Variants in HIVEP3 observed in about 807,000 individuals in gnomAD.
HIVEP3 encodes the protein transcription factor HIVEP3.
HIVEP3 carries 49 observed loss-of-function variants against 152.8 expected under a neutral mutation model. The observed-to-expected ratio is 0.32, with a 90% CI of 0.26 to 0.41. The LOEUF is 0.41. Among genes scored for constraint, HIVEP3 ranks in the 10% least tolerant of loss-of-function variants. The probability of loss-of-function intolerance (pLI) is 1.00; values close to 1 mark genes in which losing one functional copy is unlikely to be tolerated. For synonymous variants in HIVEP3, 1,269 were observed against 1,289.0 expected, an observed-to-expected ratio of 0.98 and a Z score of 0.33; for missense variants, 2,790 against 3,103.3, an observed-to-expected ratio of 0.90 and a Z score of 2.40.
intron 5 of HIVEP3, among the ~76,000 whole-genome samples, chr1:41,553,754 T>C (rs1407692131): frequency 1.3e-5 from 2 of 152,170 alleles, no homozygotes; most frequent in Non-Finnish European, 2.9e-5. Flanking sequence ...CTCCTTCACT[T>C]ATGAAGTTTG....
intron 1 of HIVEP3, among the ~76,000 whole-genome samples, chr1:41,744,899 G>A (rs978235126): frequency 6.6e-6 from 1 of 152,220 alleles, no homozygotes; most frequent in Non-Finnish European, 1.5e-5. Context: ...GCAGGGGGCA[G>A]GGGGAAGGGT....
intron 3 of HIVEP3, among the ~76,000 whole-genome samples, chr1:41,605,004 TGGA>T: frequency 7.1e-6 from 1 of 141,784 alleles, no homozygotes. Context: ...ACTTGGGAGG[TGGA>T]GGTGGGAGGA....
At chr1:41,709,770 G>C (rs970290933) in intron 1 of HIVEP3, among the ~76,000 whole-genome samples, 8 of 152,152 alleles carry the variant, frequency 5.3e-5, no homozygotes, top group Admixed American at 1.3e-4. Flanking sequence ...TTTAGGCGAG[G>C]GTGCAGCTCA....
At chr1:42,006,284 G>C (rs1645458880) in intron 1 of HIVEP3, among the ~76,000 whole-genome samples, 1 of 152,056 alleles carries the variant, frequency 6.6e-6, no homozygotes, top group South Asian at 2.1e-4. Context: ...AAAGAGACAG[G>C]GACGAGAGGA....
At chr1:41,603,662 C>T (rs1215023032) in intron 3 of HIVEP3, among the ~76,000 whole-genome samples, 3 of 152,144 alleles carry the variant, frequency 2.0e-5, no homozygotes, top group Admixed American at 1.3e-4. Context: ...GCCTGGCCTG[C>T]TATTGATTTC....
intron 2 of HIVEP3, among the ~76,000 whole-genome samples, chr1:41,646,418 T>C (rs1458720990): frequency 6.6e-6 from 1 of 152,112 alleles, no homozygotes; most frequent in Non-Finnish European, 1.5e-5. Context: ...GCACACACAG[T>C]AGCAGAGGAA....
chr1:41,875,799 CCTT>C (rs1163745060), intron 1 of HIVEP3, among the ~76,000 whole-genome samples: 1 of 152,240 alleles, frequency 6.6e-6, no homozygotes, highest in Non-Finnish European at 1.5e-5. Flanking sequence ...ATGCCCTGCA[CCTT>C]CTTCTCTCCA....
chr1:41,661,739 G>A (rs1385284026), intron 2 of HIVEP3, among the ~76,000 whole-genome samples: 1 of 152,258 alleles, frequency 6.6e-6, no homozygotes, highest in Non-Finnish European at 1.5e-5. Context: ...CACGGTATGC[G>A]TGGGTGCGAG....
intron 5 of HIVEP3, among the ~76,000 whole-genome samples, chr1:41,572,869 TATGTTA>T (rs1644271167): frequency 6.6e-6 from 1 of 152,244 alleles, no homozygotes; most frequent in Admixed American, 6.5e-5. Context: ...GTTACAGATG[TATGTTA>T]AACCAATTTG....
chr1:41,864,013 G>A (rs900277395), intron 1 of HIVEP3, among the ~76,000 whole-genome samples: 23 of 152,192 alleles, frequency 1.5e-4, no homozygotes, highest in Non-Finnish European at 1.2e-4. Context: ...GGAATCAGAC[G>A]TGGAGAGAGG....
At chr1:41,714,652 G>T (rs753828581) in intron 1 of HIVEP3, among the ~76,000 whole-genome samples, 2 of 152,162 alleles carry the variant, frequency 1.3e-5, no homozygotes, top group Non-Finnish European at 2.9e-5. Flanking sequence ...TCACACTCTG[G>T]GGCTGACATG....
At chr1:41,744,908 G>C (rs561964019) in intron 1 of HIVEP3, among the ~76,000 whole-genome samples, 12 of 152,340 alleles carry the variant, frequency 7.9e-5, no homozygotes, top group African/African-American at 2.4e-4. Flanking sequence ...AGGGGGAAGG[G>C]TGGGAGAGGA....
intron 1 of HIVEP3, among the ~76,000 whole-genome samples, chr1:41,820,186 C>G (rs1233554550): frequency 6.6e-6 from 1 of 152,146 alleles, no homozygotes; most frequent in African/African-American, 2.4e-5. Flanking sequence ...ATGTTTAAAT[C>G]CCCCTTTATA....
At chr1:41,725,405 T>C (rs923468540) in intron 1 of HIVEP3, among the ~76,000 whole-genome samples, 8 of 152,172 alleles carry the variant, frequency 5.3e-5, no homozygotes, top group Non-Finnish European at 8.8e-5. Context: ...TCCTGAATTA[T>C]GTTAGAGCCC....
Position 41,511,358 on chromosome 1 carries a change from A to G in HIVEP3, c.6406-92T>C, listed in dbSNP as rs2149046277. Reference sequence around the variant, plus strand: ...TGGAAGTGGGAGGGGGACTCGCCCAAGATCACAGAGCGAGTCCAGGGTCCC... The same window carrying G: ...TGGAAGTGGGAGGGGGACTCGCCCAGGATCACAGAGCGAGTCCAGGGTCCC... On this transcript the variant is annotated intron_variant, in intron 8 of 8. Coordinates refer to ENST00000372583, the MANE Select transcript of HIVEP3 (RefSeq NM_024503.5). This position sits in a 1 kb window ranked among gnomAD's most constrained non-coding sequence, Gnocchi z 4.9. 3.4e-6 allele frequency: 4 copies of G among 1,159,804 alleles called. No individual in the cohort carries two copies. In the East Asian group the frequency reaches 1.1e-4, roughly 30 times the overall value. The allele number at this position is 1,159,804 out of a possible 1,614,324, so 71.8% of individuals were successfully genotyped here.
chr1:41,955,384 T>C (rs1570842045), intron 1 of HIVEP3, among the ~76,000 whole-genome samples: 1 of 152,324 alleles, frequency 6.6e-6, no homozygotes, highest in East Asian at 1.9e-4. Context: ...TGGAATTCTT[T>C]TTAATTAGTA....
At chr1:41,865,179 T>A (rs1643946071) in intron 1 of HIVEP3, among the ~76,000 whole-genome samples, 1 of 152,232 alleles carries the variant, frequency 6.6e-6, no homozygotes, top group Admixed American at 6.5e-5. Flanking sequence ...CTTCCTCATA[T>A]CATCGTTCAC....
chr1:41,899,206 G>T (rs1408945), intron 1 of HIVEP3, among the ~76,000 whole-genome samples: 47,190 of 152,060 alleles, frequency 0.31, 8,761 homozygotes, highest in Non-Finnish European at 0.42. Context: ...TTGTTCACTA[G>T]GAAATAACTT....
chr1:41,646,424 AG>A (rs1305538564), intron 2 of HIVEP3, among the ~76,000 whole-genome samples: 1 of 152,220 alleles, frequency 6.6e-6, no homozygotes, highest in Non-Finnish European at 1.5e-5. Flanking sequence ...ACAGTAGCAG[AG>A]GAAGGAGATG....
Sources: allele counts gnomAD v4.1 joint callset (sites outside exome capture counted in the v4.1 genomes callset), GRCh38; gene constraint gnomAD v4.1.1; non-coding constraint Gnocchi (gnomAD v3.1); transcripts MANE v1.5; gene names NCBI Gene and HGNC (gene_info 2026-07-23, HGNC 2026-07-21).